ERICH6B: variants seen among roughly 807,000 people sequenced by gnomAD.
ERICH6B encodes glutamate rich 6B.
ERICH6B carries 69 observed loss-of-function variants against 80.0 expected under a neutral mutation model. The observed-to-expected ratio is 0.86, with a 90% CI of 0.71 to 1.05. The LOEUF is 1.05. ERICH6B is among the 50% of genes least tolerant of loss of function. The probability of loss-of-function intolerance (pLI) is 0.00; values close to 1 mark genes in which losing one functional copy is unlikely to be tolerated. For missense variants in ERICH6B, 754 were observed against 796.1 expected, an observed-to-expected ratio of 0.95 and a Z score of 0.64; for synonymous variants, 283 against 291.9, an observed-to-expected ratio of 0.97 and a Z score of 0.31.
At chr13:45,604,686 G>A (rs1949846960) in intron 2 of ERICH6B, among the ~76,000 whole-genome samples, 1 of 151,174 alleles carries the variant, frequency 6.6e-6, no homozygotes, top group Non-Finnish European at 1.5e-5. Context: ...AACATTTTTG[G>A]CTGGAAAAAA....
At position 45,561,318 on chromosome 13, in the gene ERICH6B, C is replaced by CA. The variant is rs1333045664; in HGVS notation, c.1407+50dup. On this transcript the variant is annotated intron_variant, in intron 11 of 14. Coordinates refer to ENST00000298738, the MANE Select transcript of ERICH6B (RefSeq NM_182542.3). ...TGGTGTATGCACACCTCACCAGAGC[C>CA]AAAAAAAATCCTGTGCAAAGTAAAA... 90 of 1,528,504 alleles carry CA rather than the reference C, an allele frequency of 5.9e-5. No individual in the cohort carries two copies. The Admixed American group carries it at 8.8e-4, about 15-fold the overall frequency. The allele number at this position is 1,528,504 out of a possible 1,614,324, so 94.7% of individuals were successfully genotyped here.
chr13:45,575,499 T>C (rs1875362389), intron 7 of ERICH6B, among the ~76,000 whole-genome samples: 1 of 152,100 alleles, frequency 6.6e-6, no homozygotes, highest in Non-Finnish European at 1.5e-5. Context: ...CAAAGGACCT[T>C]GTAGGCTGTG....
chr13:45,560,869 A>AT (rs1874643132), intron 11 of ERICH6B, among the ~76,000 whole-genome samples: 2 of 152,130 alleles, frequency 1.3e-5, no homozygotes, highest in Non-Finnish European at 2.9e-5. Flanking sequence ...TGTGTGATTG[A>AT]TTTTTGATAT....
intron 2 of ERICH6B, 27 bp downstream of exon 2, chr13:45,607,537 C>T (rs1949875235): frequency 6.6e-6 from 1 of 152,320 alleles, no homozygotes; most frequent in Non-Finnish European, 1.5e-5. Context: ...CAATGGAGCC[C>T]AGTCAGGCTC....
At chr13:45,556,775 G>A (rs1334312571) in intron 11 of ERICH6B, among the ~76,000 whole-genome samples, 1 of 151,678 alleles carries the variant, frequency 6.6e-6, no homozygotes, top group African/African-American at 2.4e-5. Context: ...ATATATATGT[G>A]TGTGTATATA....
At chr13:45,565,409 A>T (rs1211890237) in intron 9 of ERICH6B, among the ~76,000 whole-genome samples, 1 of 152,150 alleles carries the variant, frequency 6.6e-6, no homozygotes, top group African/African-American at 2.4e-5. Flanking sequence ...GAGAGTGGAT[A>T]AAGGAAAGAG....
rs139366293 is a variant in ERICH6B at position 45,604,372 on chromosome 13, C to T, written c.-59+3192G>A. Among the ~76,000 whole-genome samples, 61 of 152,302 alleles carry T rather than the reference C, an allele frequency of 4.0e-4. No individual in the cohort carries two copies. In the East Asian group the frequency reaches 0.01, roughly 26 times the overall value. ...ATACAAATGTCCAACCAGAAAGCCC[C>T]GGGGATGCTGCGGCAGAAGCCCCTC... On this transcript the variant is annotated intron_variant, in intron 2 of 14. Coordinates refer to ENST00000298738, the MANE Select transcript of ERICH6B (RefSeq NM_182542.3).
At chr13:45,604,286 C>T (rs1949844565) in intron 2 of ERICH6B, among the ~76,000 whole-genome samples, 1 of 152,266 alleles carries the variant, frequency 6.6e-6, no homozygotes, top group Non-Finnish European at 1.5e-5. Flanking sequence ...TTTTCATTGA[C>T]TGCTAGCCGT....
At chr13:45,585,267 G>A (rs748326886) in intron 5 of ERICH6B, among the ~76,000 whole-genome samples, 4 of 152,140 alleles carry the variant, frequency 2.6e-5, no homozygotes, top group Non-Finnish European at 5.9e-5. Flanking sequence ...CATTGGGGAT[G>A]GAATATTCCT....
intron 9 of ERICH6B, 120 bp from the exon 10 acceptor site, chr13:45,563,908 A>T: frequency 1.3e-6 from 1 of 786,594 alleles, no homozygotes. Context: ...AAATGGGGCC[A>T]ATGGCTTTGC....
chr13:45,580,707 C>T, intron 5 of ERICH6B, 42 bp from the exon 6 acceptor site: 1 of 1,544,270 alleles, frequency 6.5e-7, no homozygotes, highest in Non-Finnish European at 8.8e-7. Flanking sequence ...TGATTTAAAC[C>T]TTACATTTTC....
At chr13:45,587,891 G>C (rs1002255713) in intron 4 of ERICH6B, among the ~76,000 whole-genome samples, 6 of 152,196 alleles carry the variant, frequency 3.9e-5, no homozygotes, top group African/African-American at 1.4e-4. Context: ...TGGCCCTGGA[G>C]TTATTTCATG....
rs143320207 is a variant in ERICH6B at position 45,600,562 on chromosome 13, A to G, written c.-58-3499T>C. 8.7e-3 allele frequency among the ~76,000 whole-genome samples: 1,327 copies of G among 152,200 alleles called. 12 individuals are homozygous for G. Among genetic ancestry groups the G allele is most frequent in the African/African-American group, 0.03 (1,236 of 41,510 alleles). ...CTCTTTTGAGTCTCCATCGTCTATT[A>G]TTCCACACTGTATGCCTACTCAGAA... On this transcript the variant is annotated intron_variant, in intron 2 of 14. Transcript: ENST00000298738.
intron 7 of ERICH6B, among the ~76,000 whole-genome samples, chr13:45,579,216 C>T (rs990774704): frequency 6.6e-5 from 10 of 152,102 alleles, no homozygotes; most frequent in Non-Finnish European, 1.0e-4. Flanking sequence ...TCTGGCGGTG[C>T]GATGGGTTGG....
In ERICH6B at chr13:45,596,457, C is replaced by T. The variant is rs1457352193; in HGVS notation, c.549G>A (p.Glu183=). The T allele has an allele frequency of 1.4e-5, 22 of 1,551,648 alleles. No individual in the cohort carries two copies. The Admixed American group carries it at 2.7e-4, about 19-fold the overall frequency. ...CTTCCTCCTCCAGATTCTCTTCCTT[C>T]TCCAGAGCCTTTTCCTCTTCTAGAT... The part of the protein sequence containing the change: ...KSYLEEEKAL[E]KEENLEEEEA... Residue 183 remains glutamate (E), a synonymous_variant, in exon 3 of 15, where the codon GAG becomes GAA. Coordinates refer to ENST00000298738, the MANE Select transcript of ERICH6B (RefSeq NM_182542.3).
In ERICH6B at chr13:45,596,723, C is replaced by A. The variant is rs1308854445; in HGVS notation, c.283G>T (p.Glu95Ter). 7.1e-6 allele frequency: 11 copies of A among 1,551,852 alleles called. No individual in the cohort carries two copies. The East Asian group carries it at 2.7e-4, about 38-fold the overall frequency. ...TACCCTGCCTTCTCCAGATACTCTT[C>A]CTCCTCCAGATGCTCTTCCTTCCCC... ...YLGKEEHLEE[E>*]EYLEKAGYLE... is the part of the protein sequence containing the mutation. Residue 95 changes from glutamate (E) to a stop codon, truncating the protein, a stop_gained, in exon 3 of 15, where the codon GAA (glutamate) becomes TAA (stop). Coordinates refer to ENST00000298738, the MANE Select transcript of ERICH6B (RefSeq NM_182542.3). LOFTEE classifies it high-confidence loss of function.
intron 2 of ERICH6B, among the ~76,000 whole-genome samples, chr13:45,599,272 A>G (rs994164655): frequency 2.0e-5 from 3 of 152,198 alleles, no homozygotes; most frequent in Admixed American, 2.0e-4. Flanking sequence ...TGGGGCAGGG[A>G]AAGTTGGCCG....
intron 5 of ERICH6B, among the ~76,000 whole-genome samples, chr13:45,582,563 C>T (rs1875718419): frequency 6.6e-6 from 1 of 152,170 alleles, no homozygotes; most frequent in African/African-American, 2.4e-5. Flanking sequence ...CATTCAACAG[C>T]TTCAGGGCAT....
At chr13:45,562,059 ATGACTGAT>A (rs917717919) in intron 10 of ERICH6B, among the ~76,000 whole-genome samples, 141 of 152,344 alleles carry the variant, frequency 9.3e-4, no homozygotes, top group African/African-American at 3.2e-3. Context: ...AATCACACCA[ATGACTGAT>A]TGACTGATTG....
Sources: allele counts gnomAD v4.1 joint callset (sites outside exome capture counted in the v4.1 genomes callset), GRCh38; gene constraint gnomAD v4.1.1; transcripts MANE v1.5; gene names NCBI Gene and HGNC (gene_info 2026-07-23, HGNC 2026-07-21).